The following OXR1 variants were observed in gnomAD, a reference collection of about 807,000 sequenced individuals.
The protein encoded by OXR1 is oxidation resistance protein 1.
A neutral mutation model predicts 104.6 loss-of-function variants in OXR1; 41 were observed. The observed-to-expected ratio is 0.39, with a 90% CI of 0.31 to 0.51. The LOEUF is 0.51. OXR1 is among the 20% of genes least tolerant of loss of function. The pLI is 0.77. For synonymous variants in OXR1, 348 were observed against 348.4 expected, an observed-to-expected ratio of 1.00 and a Z score of 0.01; for missense variants, 955 against 1,031.9, an observed-to-expected ratio of 0.93 and a Z score of 1.02.
At chr8:106,599,893 CA>C (rs141493006) in intron 3 of OXR1, among the ~76,000 whole-genome samples, 3,481 of 152,234 alleles carry the variant, frequency 0.023, 133 homozygotes, top group African/African-American at 0.08. Flanking sequence ...CACAGATGAT[CA>C]GGCATTAGAT....
chr8:106,682,972 A>G (rs952087241), intron 4 of OXR1, among the ~76,000 whole-genome samples: 2 of 152,206 alleles, frequency 1.3e-5, no homozygotes, highest in African/African-American at 2.4e-5. Flanking sequence ...CTTGAAGTAG[A>G]GACCTACATG....
intron 3 of OXR1, among the ~76,000 whole-genome samples, chr8:106,583,373 C>A (rs1818394749): frequency 6.6e-6 from 1 of 152,142 alleles, no homozygotes; most frequent in African/African-American, 2.4e-5. Flanking sequence ...CCAATGCTTG[C>A]TAAACACTTA....
chr8:106,539,653 T>C (rs1225087205), intron 3 of OXR1, among the ~76,000 whole-genome samples: 1 of 152,224 alleles, frequency 6.6e-6, no homozygotes, highest in African/African-American at 2.4e-5. Context: ...CTTAGGAATA[T>C]GAAAATGCCA....
intron 3 of OXR1, among the ~76,000 whole-genome samples, chr8:106,622,075 T>C (rs374412775): frequency 8.9e-4 from 136 of 152,320 alleles, no homozygotes; most frequent in African/African-American, 3.2e-3. Flanking sequence ...TTTCCATTAA[T>C]GGAAGCATCA....
chr8:106,640,053 G>T (rs1369749575), intron 3 of OXR1, among the ~76,000 whole-genome samples: 2 of 152,108 alleles, frequency 1.3e-5, no homozygotes, highest in East Asian at 3.9e-4. Context: ...TTTATCTCTG[G>T]TATATCAAGG....
chr8:106,539,461 T>A lies in OXR1; in HGVS notation c.220+20322T>A, dbSNP rs147211953. On this transcript the variant is annotated intron_variant, in intron 3 of 16. Coordinates refer to ENST00000517566, the MANE Select transcript of OXR1 (RefSeq NM_001198533.2). ...ATACGACTTCTATAATTTGCATATT[T>A]TACTCCTTAGTAAATTATGAACTGA... 5.3e-5 allele frequency among the ~76,000 whole-genome samples: 8 copies of A among 152,326 alleles called. No individual in the cohort carries two copies. The East Asian group carries it at 1.5e-3, about 29-fold the overall frequency.
At position 106,569,648 on chromosome 8, in the gene OXR1, T is replaced by C. The variant is rs181838004; in HGVS notation, c.220+50509T>C. On this transcript the variant is annotated intron_variant, in intron 3 of 16. Transcript: ENST00000517566. Reference sequence around the variant, plus strand: ...GTTCTGTCTTGTCTTACTAATTTGATTAATTTAGGAGAAATGACAGGAAAG... The same window carrying C: ...GTTCTGTCTTGTCTTACTAATTTGACTAATTTAGGAGAAATGACAGGAAAG... 2.0e-5 allele frequency among the ~76,000 whole-genome samples: 3 copies of C among 152,294 alleles called. No individual in the cohort carries two copies. The East Asian group carries it at 5.8e-4, about 29-fold the overall frequency.
chr8:106,296,489 C>A (rs1268509324), intron 1 of OXR1, among the ~76,000 whole-genome samples: 1 of 152,152 alleles, frequency 6.6e-6, no homozygotes, highest in Non-Finnish European at 1.5e-5. Flanking sequence ...ATTATTATTA[C>A]ATTTTAAGAT....
chr8:106,337,742 T>C (rs6986335), intron 1 of OXR1, among the ~76,000 whole-genome samples: 44,866 of 152,114 alleles, frequency 0.29, 8,390 homozygotes, highest in African/African-American at 0.53. Flanking sequence ...ATAAAATATT[T>C]TTCCTAACAA....
chr8:106,363,645 C>G (rs1362826617), intron 2 of OXR1, among the ~76,000 whole-genome samples: 1 of 151,794 alleles, frequency 6.6e-6, no homozygotes, highest in African/African-American at 2.4e-5. Flanking sequence ...GGCCCTCACT[C>G]CATTTGGTGG....
intron 2 of OXR1, among the ~76,000 whole-genome samples, chr8:106,424,758 C>T (rs761470270): frequency 5.9e-5 from 9 of 151,906 alleles, no homozygotes; most frequent in Non-Finnish European, 1.5e-5. Flanking sequence ...ATTCTACTTT[C>T]CTTGGACTCT....
At chr8:106,694,030 TTTC>T (rs1829575824) in intron 7 of OXR1, among the ~76,000 whole-genome samples, 1 of 152,130 alleles carries the variant, frequency 6.6e-6, no homozygotes, top group South Asian at 2.1e-4. Flanking sequence ...TTTCTCTTGA[TTTC>T]TTCTTTGACC....
In OXR1 at chr8:106,519,050, C is replaced by A. The variant is rs201198313; in HGVS notation, c.131C>A (p.Thr44Asn). The change falls in exon 3 of 17, where the codon ACC becomes AAC. Residue 44 changes from threonine to asparagine, a missense_variant. This residue lies in a region of OXR1 where 849 missense variants were observed against 852.9 expected (regional missense o/e 1.00). Coordinates refer to ENST00000517566, the MANE Select transcript of OXR1 (RefSeq NM_001198533.2). ...GCCAGTAAGCCCCCGGCACCCAAGA[C>A]CCCCATCATTGAAGAAGAGCAGAAC... ...PQASKPPAPK[T>N]PIIEEEQNNA... The A allele has an allele frequency of 2.6e-4, 399 of 1,551,790 alleles. No homozygotes were observed. Among genetic ancestry groups the A allele is most frequent in the Non-Finnish European group, 3.3e-4 (382 of 1,146,902 alleles).
intron 2 of OXR1, among the ~76,000 whole-genome samples, chr8:106,400,155 A>T (rs1275730715): frequency 6.6e-6 from 1 of 151,334 alleles, no homozygotes; most frequent in Non-Finnish European, 1.5e-5. Flanking sequence ...TCACTATGTG[A>T]CTCTTAGCAG....
At chr8:106,613,834 A>AG (rs1432226358) in intron 3 of OXR1, among the ~76,000 whole-genome samples, 1 of 152,262 alleles carries the variant, frequency 6.6e-6, no homozygotes, top group Non-Finnish European at 1.5e-5. Flanking sequence ...CCTTTCTCAC[A>AG]GAAAAACTAG....
chr8:106,307,321 AT>A (rs1563708197), intron 1 of OXR1, among the ~76,000 whole-genome samples: 3 of 152,100 alleles, frequency 2.0e-5, no homozygotes, highest in African/African-American at 7.2e-5. Context: ...TGATTTCCCC[AT>A]TGTCCCCAGG....
chr8:106,493,299 G>C (rs997975747), intron 2 of OXR1, among the ~76,000 whole-genome samples: 1 of 152,120 alleles, frequency 6.6e-6, no homozygotes, highest in Admixed American at 6.6e-5. Flanking sequence ...TCATATACCT[G>C]TATTCCCTGC....
intron 3 of OXR1, among the ~76,000 whole-genome samples, chr8:106,623,979 TA>T (rs1257468924): frequency 1.3e-5 from 2 of 152,190 alleles, no homozygotes; most frequent in Admixed American, 1.3e-4. Flanking sequence ...GCTAACACAT[TA>T]AGCCAGCTTC....
intron 3 of OXR1, among the ~76,000 whole-genome samples, chr8:106,524,352 C>T (rs1157613584): frequency 2.0e-5 from 3 of 152,182 alleles, no homozygotes; most frequent in African/African-American, 7.2e-5. Context: ...TGTACGATTG[C>T]TCCCTAAGGT....
Sources: allele counts gnomAD v4.1 joint callset (sites outside exome capture counted in the v4.1 genomes callset), GRCh38; gene constraint gnomAD v4.1.1; regional missense constraint gnomAD v4.1.1; transcripts MANE v1.5; gene names NCBI Gene and HGNC (gene_info 2026-07-23, HGNC 2026-07-21).